Variants in ARIH2 observed in about 807,000 individuals in gnomAD.
The protein encoded by ARIH2 is ariadne RBR E3 ubiquitin protein ligase 2.
Under a neutral mutation model 79.8 loss-of-function variants are expected in ARIH2, and 12 were observed. The ratio of observed to expected loss-of-function variants is 0.15; its 90% CI spans 0.10 to 0.24. The LOEUF is 0.24. Ranked by LOEUF, ARIH2 falls within the 10% of genes least tolerant of loss-of-function variation. ARIH2 has a pLI of 1.00. For synonymous variants in ARIH2, 224 were observed against 213.9 expected (o/e 1.05, Z -0.41); for missense variants, 301 against 618.3 (o/e 0.49, Z 5.44).
intron 3 of ARIH2, among the ~76,000 whole-genome samples, chr3:48,953,982 G>A (rs1428896889): frequency 6.6e-6 from 1 of 150,980 alleles, no homozygotes; most frequent in Non-Finnish European, 1.5e-5. Context: ...TGGCCAACAT[G>A]GTGAAACACT....
chr3:48,971,701 C>T (rs1396103941), intron 8 of ARIH2, among the ~76,000 whole-genome samples: 2 of 152,136 alleles, frequency 1.3e-5, no homozygotes, highest in Admixed American at 6.5e-5. Context: ...TGTGTGTGTA[C>T]GCACATGCCT....
At chr3:48,919,286 T>C in intron 1 of ARIH2, 1 of 1,075,956 alleles carries the variant, frequency 9.3e-7, no homozygotes. Flanking sequence ...TCTCCCTGTC[T>C]GGCGCGGCGG....
At position 48,981,016 on chromosome 3, in the gene ARIH2, C is replaced by CAAA. The variant is rs34533467; in HGVS notation, c.1257+544_1257+546dup. Among the ~76,000 whole-genome samples, 73 of 30,128 alleles carry CAAA rather than the reference C, an allele frequency of 2.4e-3. 4 individuals carry two copies. Among genetic ancestry groups the CAAA allele is most frequent in the African/African-American group, 6.3e-3 (45 of 7,160 alleles). The allele number at this position is 30,128 out of a possible 152,430, so 19.8% of individuals were successfully genotyped here. ...AGCCTGGGTGACAAAGCAAGACTGT[C>CAAA]AAAAAAAAAAAAAAAAAAAAAAAAA... On this transcript the variant is annotated intron_variant, in intron 13 of 15. Coordinates refer to ENST00000356401, the MANE Select transcript of ARIH2 (RefSeq NM_006321.4).
At chr3:48,947,169 A>G (rs1392817028) in intron 3 of ARIH2, among the ~76,000 whole-genome samples, 1 of 152,202 alleles carries the variant, frequency 6.6e-6, no homozygotes, top group Non-Finnish European at 1.5e-5. Context: ...GGCCAGGCAC[A>G]GTGGCTCACG....
At chr3:48,959,170 G>C (rs986997220) in intron 3 of ARIH2, among the ~76,000 whole-genome samples, 1 of 151,090 alleles carries the variant, frequency 6.6e-6, no homozygotes, top group Non-Finnish European at 1.5e-5. Context: ...CAAAAAATTA[G>C]CCCGGTGTGG....
chr3:48,931,681 C>T (rs949231664), intron 3 of ARIH2, among the ~76,000 whole-genome samples: 4 of 152,152 alleles, frequency 2.6e-5, no homozygotes, highest in Admixed American at 6.5e-5. Context: ...CCTCCTGCCT[C>T]AGCCTCCTGA....
At chr3:48,980,563 T>C in intron 13 of ARIH2, 67 bp downstream of exon 13, 3 of 1,553,366 alleles carry the variant, frequency 1.9e-6, no homozygotes, top group Non-Finnish European at 2.6e-6. Context: ...AGACCTCTGA[T>C]AGTGGGAAGC....
At chr3:48,965,095 C>G in intron 5 of ARIH2, 113 bp downstream of exon 5, 1 of 932,520 alleles carries the variant, frequency 1.1e-6, no homozygotes, top group Non-Finnish European at 1.6e-6. Context: ...TGGCTCACGC[C>G]TGTAATCCCA....
intron 3 of ARIH2, chr3:48,944,992 C>G: frequency 1.8e-6 from 1 of 561,422 alleles, no homozygotes. Context: ...TGAGTGACCA[C>G]TAGTGTTTGT....
At chr3:48,927,930 T>A in intron 3 of ARIH2, 117 bp downstream of exon 3, 1 of 1,234,498 alleles carries the variant, frequency 8.1e-7, no homozygotes, top group South Asian at 1.5e-5. Context: ...AAACCAAATT[T>A]AAGTGTATGT....
rs2092869388 is a variant in ARIH2, at chr3:48,985,076, C to G, written c.*1806C>G. 6.6e-6 allele frequency: 1 copy of G among 152,254 alleles called. No homozygotes were observed. The highest frequency in any genetic ancestry group is 1.5e-5 in the Non-Finnish European group (1 of 68,086). 9.4% of individuals were successfully genotyped at this position (152,254 alleles called of 1,614,324 possible). Reference sequence around the variant, plus strand: ...GTCAGGTGTGAATGCTGTATTGGCACAGGGAATAAATATCCTGGCGTCTGG... The same window carrying G: ...GTCAGGTGTGAATGCTGTATTGGCAGAGGGAATAAATATCCTGGCGTCTGG... On this transcript the variant is annotated 3_prime_UTR_variant, in exon 16 of 16. Coordinates refer to ENST00000356401, the MANE Select transcript of ARIH2 (RefSeq NM_006321.4).
At chr3:48,969,089 G>C (rs1160330932) in intron 7 of ARIH2, among the ~76,000 whole-genome samples, 1 of 151,802 alleles carries the variant, frequency 6.6e-6, no homozygotes, top group Non-Finnish European at 1.5e-5. Flanking sequence ...TCACCAGGAT[G>C]ATCTTGATCT....
At chr3:48,953,777 G>T (rs1471880348) in intron 3 of ARIH2, among the ~76,000 whole-genome samples, 1 of 151,998 alleles carries the variant, frequency 6.6e-6, no homozygotes. Context: ...GCTCACTGCA[G>T]CCTCTACCTC....
intron 3 of ARIH2, chr3:48,934,338 A>G (rs2086820700): frequency 2.3e-6 from 2 of 882,440 alleles, no homozygotes; most frequent in South Asian, 5.2e-5. Flanking sequence ...TAATTATTAA[A>G]TCAATTTTCT....
chr3:48,974,634 C>T, intron 9 of ARIH2, 183 bp from the exon 10 acceptor site: 1 of 641,872 alleles, frequency 1.6e-6, no homozygotes. Context: ...GCTAAATGTG[C>T]TGACCTCATT....
At chr3:48,965,076 G>T in intron 5 of ARIH2, 94 bp downstream of exon 5, 2 of 1,219,416 alleles carry the variant, frequency 1.6e-6, no homozygotes, top group Non-Finnish European at 2.4e-6. Flanking sequence ...TACTTGGCTG[G>T]GTGCGGTGTG....
chr3:48,978,406 C>A (rs1402744710), intron 11 of ARIH2, among the ~76,000 whole-genome samples: 1 of 145,576 alleles, frequency 6.9e-6, no homozygotes, highest in Non-Finnish European at 1.5e-5. Flanking sequence ...GCCACCACAC[C>A]TGGCTAATTT....
At position 48,973,735 on chromosome 3, in the gene ARIH2, C is replaced by T. The variant is rs1234835912; in HGVS notation, c.807C>T (p.Asp269=). ...GTCAGATGTATCACGCACCCACAGA[C>T]TGTGCCACAATCCGGAAATGGCTCA... ...KCRQMYHAPT[D]CATIRKWLTK... is the part of the protein sequence containing the mutation. The change falls in exon 9 of 16, where the codon GAC becomes GAT. Residue 269 remains aspartate, a synonymous_variant. Coordinates refer to ENST00000356401, the MANE Select transcript of ARIH2 (RefSeq NM_006321.4). 1 of 1,614,186 alleles carries T rather than the reference C, an allele frequency of 6.2e-7. No individual in the cohort carries two copies. Among genetic ancestry groups the T allele is most frequent in the Admixed American group, 1.7e-5 (1 of 60,028 alleles).
intron 3 of ARIH2, among the ~76,000 whole-genome samples, chr3:48,930,778 T>C (rs2086260099): frequency 6.6e-6 from 1 of 152,310 alleles, no homozygotes; most frequent in African/African-American, 2.4e-5. Flanking sequence ...TGATATCCCA[T>C]TGGTCGTAGT....
Sources: allele counts gnomAD v4.1 joint callset (sites outside exome capture counted in the v4.1 genomes callset), GRCh38; gene constraint gnomAD v4.1.1; transcripts MANE v1.5; gene names NCBI Gene and HGNC (gene_info 2026-07-23, HGNC 2026-07-21).